The following RPH3A variants were observed in gnomAD, a reference collection of about 807,000 sequenced individuals.
The protein encoded by RPH3A is rabphilin-3A.
In RPH3A, 48 loss-of-function variants were observed where a neutral mutation model predicts 102.2. The observed-to-expected ratio is 0.47, with a 90% confidence interval of 0.37 to 0.60. RPH3A has a LOEUF of 0.60. RPH3A is among the 20% of genes least tolerant of loss of function. The pLI is 0.00. For synonymous variants in RPH3A, 310 were observed against 324.3 expected, an observed-to-expected ratio of 0.96 and a Z score of 0.47; for missense variants, 781 against 910.1, an observed-to-expected ratio of 0.86 and a Z score of 1.83.
chr12:112,721,301 G>C (rs1329549136), intron 1 of RPH3A, among the ~76,000 whole-genome samples: 1 of 152,186 alleles, frequency 6.6e-6, no homozygotes, highest in Non-Finnish European at 1.5e-5. Flanking sequence ...GGACCTGAAG[G>C]AGTTGGTGAA....
At chr12:112,702,928 A>G (rs2040404813) in intron 1 of RPH3A, among the ~76,000 whole-genome samples, 1 of 152,196 alleles carries the variant, frequency 6.6e-6, no homozygotes, top group Non-Finnish European at 1.5e-5. Context: ...CCTTCCCTGT[A>G]ACATTCCCTT....
chr12:112,620,396 C>T (rs2039713578), intron 1 of RPH3A, among the ~76,000 whole-genome samples: 1 of 152,172 alleles, frequency 6.6e-6, no homozygotes, highest in East Asian at 1.9e-4. Context: ...ATTATACTCA[C>T]TGAGTTTTCA....
chr12:112,897,000 C>G lies in RPH3A; in HGVS notation c.*220C>G. On this transcript the variant is annotated 3_prime_UTR_variant, in exon 22 of 22. Transcript: ENST00000389385. ...CTCTGAATACAGCCCCTCTCTCATC[C>G]CTGGGATGGAGCAATGGGGATGGGG... 1 of 532,940 alleles carries G rather than the reference C, an allele frequency of 1.9e-6. No individual in the cohort carries two copies. Among genetic ancestry groups the G allele is most frequent in the Non-Finnish European group, 3.4e-6 (1 of 297,114 alleles). The allele number at this position is 532,940 out of a possible 1,614,324, so 33.0% of individuals were successfully genotyped here.
chr12:112,627,335 C>T (rs2039774175), intron 1 of RPH3A, among the ~76,000 whole-genome samples: 1 of 148,850 alleles, frequency 6.7e-6, no homozygotes, highest in African/African-American at 2.5e-5. Context: ...TATTTATTAC[C>T]TGTCATTATG....
chr12:112,669,390 A>T (rs1017397316), intron 1 of RPH3A, among the ~76,000 whole-genome samples: 1 of 152,256 alleles, frequency 6.6e-6, no homozygotes, highest in African/African-American at 2.4e-5. Flanking sequence ...AAAATAATAA[A>T]GCTGACTTGA....
intron 1 of RPH3A, among the ~76,000 whole-genome samples, chr12:112,670,517 T>C (rs2040120342): frequency 6.6e-6 from 1 of 152,188 alleles, no homozygotes; most frequent in African/African-American, 2.4e-5. Context: ...GCTATTACTA[T>C]GTAGCAGACC....
intron 1 of RPH3A, among the ~76,000 whole-genome samples, chr12:112,694,651 C>T (rs1315917424): frequency 1.4e-5 from 1 of 71,862 alleles, no homozygotes; most frequent in East Asian, 3.3e-4. Flanking sequence ...CGCGCACACG[C>T]ACACACACAC....
At chr12:112,883,149 G>C (rs1189296788) in intron 15 of RPH3A, 144 bp from the exon 16 acceptor site, 2 of 632,798 alleles carry the variant, frequency 3.2e-6, no homozygotes, top group East Asian at 5.5e-5. Flanking sequence ...CACTCCCTGA[G>C]AACATGCATT....
intron 1 of RPH3A, among the ~76,000 whole-genome samples, chr12:112,654,379 T>C (rs1592927613): frequency 6.6e-6 from 1 of 152,166 alleles, no homozygotes; most frequent in Non-Finnish European, 1.5e-5. Context: ...CTTTTCCTTC[T>C]TCTGCAGTTT....
Position 112,898,127 on chromosome 12 carries a change from A to G in RPH3A, c.*1347A>G, listed in dbSNP as rs1051702288. On this transcript the variant is annotated 3_prime_UTR_variant, in exon 22 of 22. Transcript: ENST00000389385. ...ACTAAGCTTCCTGGGAGAATCAAAT[A>G]ATATCATGGCTATGGAACAGTAGAG... 1 of 152,186 alleles carries G rather than the reference A, an allele frequency of 6.6e-6. No individual in the cohort carries two copies. The highest frequency in any genetic ancestry group is 1.5e-5 in the Non-Finnish European group (1 of 68,036). 9.4% of individuals were successfully genotyped at this position (152,186 alleles called of 1,614,324 possible).
At chr12:112,836,890 G>A (rs968532355) in intron 4 of RPH3A, among the ~76,000 whole-genome samples, 4 of 152,176 alleles carry the variant, frequency 2.6e-5, no homozygotes, top group Admixed American at 6.5e-5. Flanking sequence ...AAAAGATGAC[G>A]ATGAACAGGG....
Position 112,884,521 on chromosome 12 carries a change from G to A in RPH3A, c.1436+1119G>A, listed in dbSNP as rs1470818098. 3.9e-5 allele frequency among the ~76,000 whole-genome samples: 6 copies of A among 152,080 alleles called. No individual in the cohort carries two copies. In the East Asian group the frequency reaches 9.6e-4, roughly 24 times the overall value. ...CAGTTTATTTAGCCAATTCCCTTTG[G>A]GTGGACATTTAAATTGTTTTCAGCT... On this transcript the variant is annotated intron_variant, in intron 16 of 21. Transcript: ENST00000389385.
At chr12:112,727,364 C>A (rs2040597871) in intron 1 of RPH3A, among the ~76,000 whole-genome samples, 1 of 143,958 alleles carries the variant, frequency 6.9e-6, no homozygotes, top group Non-Finnish European at 1.5e-5. Context: ...GCCCTCCGGC[C>A]TGGGCGACAG....
At chr12:112,825,527 C>T (rs1458233152) in intron 2 of RPH3A, among the ~76,000 whole-genome samples, 1 of 151,922 alleles carries the variant, frequency 6.6e-6, no homozygotes, top group Admixed American at 6.6e-5. Context: ...TCCACGTGGT[C>T]TCTCCCCCCC....
intron 1 of RPH3A, among the ~76,000 whole-genome samples, chr12:112,584,551 C>T (rs1198192311): frequency 1.3e-5 from 2 of 152,154 alleles, no homozygotes; most frequent in Non-Finnish European, 2.9e-5. Context: ...GGGGCCACCT[C>T]TGGAGGGGTG....
At chr12:112,619,887 C>A (rs563826030) in intron 1 of RPH3A, among the ~76,000 whole-genome samples, 14 of 152,294 alleles carry the variant, frequency 9.2e-5, no homozygotes, top group African/African-American at 3.4e-4. Flanking sequence ...AATTCCCTTT[C>A]TGAATTAGTC....
rs137878584 is a variant in RPH3A at position 112,820,870 on chromosome 12, T to G, written c.-18-7431T>G. 4.7e-3 allele frequency among the ~76,000 whole-genome samples: 715 copies of G among 152,296 alleles called. 7 individuals are homozygous for G. The highest frequency in any genetic ancestry group is 0.016 in the African/African-American group (671 of 41,558). ...TGGGAGAACCATATGGAGGGGACAG[T>G]GAGTTTGCTTTGTTGTTTCAAGGCC... On this transcript the variant is annotated intron_variant, in intron 2 of 21. Transcript: ENST00000389385.
At chr12:112,767,044 G>A (rs1285372539) in intron 1 of RPH3A, among the ~76,000 whole-genome samples, 2 of 152,184 alleles carry the variant, frequency 1.3e-5, no homozygotes, top group Non-Finnish European at 2.9e-5. Context: ...ATGCTCCACA[G>A]AAATGTCTGT....
At chr12:112,860,876 C>T (rs1443140011) in intron 5 of RPH3A, among the ~76,000 whole-genome samples, 2 of 152,144 alleles carry the variant, frequency 1.3e-5, no homozygotes, top group Non-Finnish European at 2.9e-5. Context: ...GAAAAATGTC[C>T]CCATGCAACT....
Sources: allele counts gnomAD v4.1 joint callset (sites outside exome capture counted in the v4.1 genomes callset), GRCh38; gene constraint gnomAD v4.1.1; transcripts MANE v1.5; gene names NCBI Gene and HGNC (gene_info 2026-07-23, HGNC 2026-07-21).